The following TTC7B variants were observed in gnomAD, a reference collection of about 807,000 sequenced individuals.
TTC7B encodes tetratricopeptide repeat protein 7B.
TTC7B carries 28 observed loss-of-function variants against 106.8 expected under a neutral mutation model. The observed-to-expected ratio is 0.26, with a 90% CI of 0.19 to 0.36. The LOEUF (loss-of-function observed/expected upper bound fraction) is 0.36. Ranked by LOEUF, TTC7B falls within the 10% of genes least tolerant of loss-of-function variation. The pLI, the probability that TTC7B is intolerant of heterozygous loss-of-function variation, is 1.00. For missense variants in TTC7B, 862 were observed against 1,076.4 expected (o/e 0.80, Z 2.79); for synonymous variants, 405 against 430.6 (o/e 0.94, Z 0.74).
chr14:90,556,912 G>A (rs1445219594), intron 19 of TTC7B, among the ~76,000 whole-genome samples: 2 of 152,198 alleles, frequency 1.3e-5, no homozygotes, highest in Admixed American at 6.5e-5. Context: ...AGAAGCCAGG[G>A]AACGGGGGGG....
chr14:90,545,020 C>T lies in TTC7B; in HGVS notation c.2311-3431G>A, dbSNP rs931745211. Among the ~76,000 whole-genome samples, 4 of 152,220 alleles carry T rather than the reference C, an allele frequency of 2.6e-5. No individual in the cohort carries two copies. In the East Asian group the frequency reaches 5.8e-4, roughly 22 times the overall value. On this transcript the variant is annotated intron_variant, in intron 19 of 19. Coordinates refer to ENST00000328459, the MANE Select transcript of TTC7B (RefSeq NM_001010854.2). The stretch of plus-strand genomic sequence containing the variant: ...GAGGGTTTTTCCCCACTGGGCACCA[C>T]GCTAGGCACTGTAGCTAGCCCATCT...
At chr14:90,542,380 C>T (rs1460526690) in intron 19 of TTC7B, among the ~76,000 whole-genome samples, 3 of 152,184 alleles carry the variant, frequency 2.0e-5, no homozygotes, top group Admixed American at 2.0e-4. Flanking sequence ...AGGCTGTGCC[C>T]AGCTGTCATC....
intron 18 of TTC7B, among the ~76,000 whole-genome samples, chr14:90,580,614 T>C (rs1891449039): frequency 6.6e-6 from 1 of 152,232 alleles, no homozygotes; most frequent in Non-Finnish European, 1.5e-5. Context: ...TTGCTAGTGC[T>C]GCTTCTGCAC....
At chr14:90,803,537 G>A (rs1192014947) in intron 1 of TTC7B, among the ~76,000 whole-genome samples, 2 of 152,146 alleles carry the variant, frequency 1.3e-5, no homozygotes, top group Admixed American at 1.3e-4. Context: ...AACTCTCCTG[G>A]TTTAAACTGT....
At chr14:90,774,253 C>T (rs1170650129) in intron 3 of TTC7B, among the ~76,000 whole-genome samples, 4 of 152,160 alleles carry the variant, frequency 2.6e-5, no homozygotes, top group Non-Finnish European at 5.9e-5. Context: ...TGGAAAGCAA[C>T]AAGAGGGGAG....
At chr14:90,673,512 C>T (rs993577115) in intron 9 of TTC7B, among the ~76,000 whole-genome samples, 2 of 152,168 alleles carry the variant, frequency 1.3e-5, no homozygotes, top group Non-Finnish European at 2.9e-5. Flanking sequence ...TCAGAAAGAT[C>T]GCCCTGCTGA....
In TTC7B at chr14:90,648,697, T is replaced by C. The variant is rs1172868159; in HGVS notation, c.1518-1674A>G. 4 of 152,246 alleles carry C rather than the reference T, an allele frequency of 2.6e-5. No homozygotes were observed. The East Asian group carries it at 5.8e-4, about 22-fold the overall frequency. 9.4% of individuals were successfully genotyped at this position (152,246 alleles called of 1,614,324 possible). ...GGTCCACTCAGTATATAGCAGCTTT[T>C]ATAATTTTACAAATATTGGCTTTCC... On this transcript the variant is annotated intron_variant, in intron 13 of 19. Transcript: ENST00000328459.
chr14:90,630,408 G>T (rs1013380075), intron 15 of TTC7B, among the ~76,000 whole-genome samples: 1 of 152,152 alleles, frequency 6.6e-6, no homozygotes, highest in Non-Finnish European at 1.5e-5. Flanking sequence ...TGTCATCTAC[G>T]AATGCTGGAA....
chr14:90,597,657 TA>T (rs1192361910), intron 17 of TTC7B, among the ~76,000 whole-genome samples: 29 of 142,338 alleles, frequency 2.0e-4, no homozygotes, highest in Middle Eastern at 3.7e-3. Context: ...AGATTCCATC[TA>T]AAAAAAAAAA....
intron 19 of TTC7B, among the ~76,000 whole-genome samples, chr14:90,566,313 C>T (rs1890795940): frequency 6.6e-6 from 1 of 150,980 alleles, no homozygotes; most frequent in African/African-American, 2.4e-5. Context: ...CACTGTACTC[C>T]AGCATGGGGA....
At chr14:90,767,000 CT>C in intron 3 of TTC7B, 2 of 1,041,614 alleles carry the variant, frequency 1.9e-6, no homozygotes, top group East Asian at 2.5e-5. Context: ...GTCTGTAGGC[CT>C]TGTCTGTTAA....
chr14:90,607,659 A>G (rs935900209), intron 17 of TTC7B, among the ~76,000 whole-genome samples: 2 of 152,226 alleles, frequency 1.3e-5, no homozygotes, highest in African/African-American at 2.4e-5. Flanking sequence ...AAAGGGAGGA[A>G]AAATGACTGC....
At chr14:90,769,370 G>A (rs1890789306) in intron 3 of TTC7B, among the ~76,000 whole-genome samples, 1 of 152,160 alleles carries the variant, frequency 6.6e-6, no homozygotes, top group Admixed American at 6.5e-5. Context: ...ATCAAAAGAT[G>A]GAGATTGACA....
At chr14:90,554,571 C>T (rs1890221590) in intron 19 of TTC7B, among the ~76,000 whole-genome samples, 1 of 152,222 alleles carries the variant, frequency 6.6e-6, no homozygotes, top group Admixed American at 6.5e-5. Context: ...CTCAGTGGCA[C>T]AGGCTGTCAC....
At chr14:90,554,000 C>T (rs1429850514) in intron 19 of TTC7B, among the ~76,000 whole-genome samples, 2 of 152,224 alleles carry the variant, frequency 1.3e-5, no homozygotes, top group Non-Finnish European at 2.9e-5. Context: ...TAAACGCCAG[C>T]ACCTAGGGTG....
In TTC7B at chr14:90,785,412, G is replaced by A. The variant is rs571685185; in HGVS notation, c.276+762C>T. The stretch of plus-strand genomic sequence containing the variant: ...GTCCTCAGTGGGAAATACATCCTGG[G>A]GAAGACAGGCAGCATGGAGCGGGCC... On this transcript the variant is annotated intron_variant, in intron 2 of 19. Coordinates refer to ENST00000328459, the MANE Select transcript of TTC7B (RefSeq NM_001010854.2). Among the ~76,000 whole-genome samples, 6 of 152,258 alleles carry A rather than the reference G, an allele frequency of 3.9e-5. No homozygotes were observed. The South Asian group carries it at 1.2e-3, about 32-fold the overall frequency.
intron 15 of TTC7B, among the ~76,000 whole-genome samples, chr14:90,636,874 C>T (rs1169675073): frequency 6.6e-6 from 1 of 151,248 alleles, no homozygotes; most frequent in Non-Finnish European, 1.5e-5. Flanking sequence ...TTGTAGTTTA[C>T]AGCTACAGCA....
intron 5 of TTC7B, among the ~76,000 whole-genome samples, chr14:90,705,156 G>C (rs1232462774): frequency 6.6e-6 from 1 of 152,072 alleles, no homozygotes; most frequent in Non-Finnish European, 1.5e-5. Flanking sequence ...ACAGAGACTG[G>C]GTCCCTCCCA....
At chr14:90,554,946 G>A (rs191092385) in intron 19 of TTC7B, among the ~76,000 whole-genome samples, 14 of 152,288 alleles carry the variant, frequency 9.2e-5, no homozygotes, top group Admixed American at 2.0e-4. Flanking sequence ...ATGATGTGGC[G>A]CAGGCTCCTA....
Sources: allele counts gnomAD v4.1 joint callset (sites outside exome capture counted in the v4.1 genomes callset), GRCh38; gene constraint gnomAD v4.1.1; transcripts MANE v1.5; gene names NCBI Gene and HGNC (gene_info 2026-07-23, HGNC 2026-07-21).